The following C12orf54 variants were observed in gnomAD, a reference collection of about 807,000 sequenced individuals.
C12orf54 encodes chromosome 12 open reading frame 54, also known as uncharacterized protein C12orf54.
Under a neutral mutation model 26.4 loss-of-function variants are expected in C12orf54, and 24 were observed. That is an observed-to-expected ratio of 0.91 (90% CI 0.66 to 1.28). The LOEUF (loss-of-function observed/expected upper bound fraction) is 1.28. C12orf54 is among the 50% of genes most tolerant of loss of function. C12orf54 has a pLI of 0.00. For missense variants in C12orf54, 154 were observed against 150.9 expected, an observed-to-expected ratio of 1.02 and a Z score of -0.11; for synonymous variants, 54 against 47.0, an observed-to-expected ratio of 1.15 and a Z score of -0.61.
At chr12:48,489,237 G>T (rs2731096) in intron 5 of C12orf54, 111,589 of 607,240 alleles carry the variant, frequency 0.18, 11,587 homozygotes, top group South Asian at 0.3. Flanking sequence ...TGTATGAAAT[G>T]CTGATAATGA....
chr12:48,469,095 G>A, the C12orf54 span, among the ~76,000 whole-genome samples: 3 of 152,178 alleles, frequency 2.0e-5, no homozygotes, highest in Non-Finnish European at 4.4e-5. Flanking sequence ...AATTACTAAT[G>A]AGGTTTCATG....
the C12orf54 span, among the ~76,000 whole-genome samples, chr12:48,467,041 T>C: frequency 6.6e-6 from 1 of 152,202 alleles, no homozygotes; most frequent in Admixed American, 6.5e-5. Flanking sequence ...AATGTGACTT[T>C]ATTTGGGAAA....
the C12orf54 span, among the ~76,000 whole-genome samples, chr12:48,426,975 T>C: frequency 2.0e-3 from 299 of 152,314 alleles, no homozygotes; most frequent in Non-Finnish European, 3.8e-3. Flanking sequence ...GAAGGAGCTT[T>C]TGAGCCATGC....
intron 4 of C12orf54, among the ~76,000 whole-genome samples, chr12:48,487,551 T>C (rs1176537518): frequency 4.6e-5 from 7 of 152,212 alleles, no homozygotes; most frequent in African/African-American, 1.4e-4. Context: ...TTACAATTAT[T>C]ATATTAGCTA....
the C12orf54 span, among the ~76,000 whole-genome samples, chr12:48,415,707 G>A: frequency 1.1e-4 from 17 of 151,998 alleles, no homozygotes; most frequent in Non-Finnish European, 2.4e-4. Context: ...TTCCTTAGAT[G>A]TTCTATGCCA....
At chr12:48,494,731 C>T in intron 7 of C12orf54, 67 bp from the exon 8 acceptor site, 1 of 1,527,238 alleles carries the variant, frequency 6.5e-7, no homozygotes, top group Non-Finnish European at 9.0e-7. Context: ...CAGTGGAGGC[C>T]AGGAAGGGAA....
chr12:48,479,377 G>A (rs1010860274), upstream of C12orf54, among the ~76,000 whole-genome samples: 2 of 152,188 alleles, frequency 1.3e-5, no homozygotes, highest in East Asian at 1.9e-4. Context: ...TGGCGGGAGT[G>A]GGGAGGGATA....
the C12orf54 span, among the ~76,000 whole-genome samples, chr12:48,446,242 A>G: frequency 6.6e-6 from 1 of 152,224 alleles, no homozygotes; most frequent in Non-Finnish European, 1.5e-5. Flanking sequence ...AGAGAAATAC[A>G]TAAGCTCATT....
the C12orf54 span, among the ~76,000 whole-genome samples, chr12:48,415,423 T>A: frequency 6.6e-6 from 1 of 152,206 alleles, no homozygotes; most frequent in Non-Finnish European, 1.5e-5. Flanking sequence ...GCCAACTACT[T>A]TTAAATCCAA....
chr12:48,475,398 T>A, the C12orf54 span, among the ~76,000 whole-genome samples: 1 of 152,138 alleles, frequency 6.6e-6, no homozygotes, highest in African/African-American at 2.4e-5. Context: ...GGATGGAGAA[T>A]GACTTTGACG....
chr12:48,447,132 G>C, the C12orf54 span, among the ~76,000 whole-genome samples: 2 of 152,026 alleles, frequency 1.3e-5, no homozygotes, highest in African/African-American at 4.8e-5. Context: ...ACTGTCTTCT[G>C]TCTTCTTGCT....
chr12:48,474,623 C>G, the C12orf54 span, among the ~76,000 whole-genome samples: 2 of 152,240 alleles, frequency 1.3e-5, no homozygotes, highest in Non-Finnish European at 2.9e-5. Flanking sequence ...GGTCCTACGC[C>G]CACAGAGTCT....
chr12:48,486,146 C>G (rs763040985), intron 2 of C12orf54, 32 bp from the exon 3 acceptor site: 49 of 1,591,698 alleles, frequency 3.1e-5, no homozygotes, highest in Non-Finnish European at 4.1e-5. Context: ...TTCTGTGCTC[C>G]TCATCAGGTT....
chr12:48,472,673 G>T, the C12orf54 span: 1 of 1,614,084 alleles, frequency 6.2e-7, no homozygotes, highest in South Asian at 1.1e-5. Context: ...AGATGGAGAT[G>T]GGCAAATGGA....
chr12:48,427,026 C>G, the C12orf54 span, among the ~76,000 whole-genome samples: 2 of 152,148 alleles, frequency 1.3e-5, no homozygotes, highest in East Asian at 3.9e-4. Context: ...CACCTACAAA[C>G]AGCGATAGTT....
the C12orf54 span, among the ~76,000 whole-genome samples, chr12:48,421,911 G>A: frequency 1.8e-4 from 28 of 152,238 alleles, no homozygotes; most frequent in South Asian, 4.1e-4. Context: ...TAGAAAATAA[G>A]TAAATTGTAT....
chr12:48,457,553 C>T, the C12orf54 span, among the ~76,000 whole-genome samples: 3 of 152,086 alleles, frequency 2.0e-5, no homozygotes, highest in East Asian at 1.9e-4. Context: ...AGGCTGGTCT[C>T]GAACTCCTGA....
chr12:48,420,733 T>A, the C12orf54 span, among the ~76,000 whole-genome samples: 1 of 152,342 alleles, frequency 6.6e-6, no homozygotes, highest in South Asian at 2.1e-4. Flanking sequence ...TAATGTCATC[T>A]AGTACTTTTC....
At chr12:48,486,763 G>A (rs747317067) in intron 4 of C12orf54, 37 bp downstream of exon 4, 17 of 1,582,256 alleles carry the variant, frequency 1.1e-5, no homozygotes, top group Admixed American at 5.0e-5. Context: ...AGCATGGCAT[G>A]AGGTGGGAGG....
Sources: allele counts gnomAD v4.1 joint callset (sites outside exome capture counted in the v4.1 genomes callset), GRCh38; gene constraint gnomAD v4.1.1; transcripts MANE v1.5; gene names NCBI Gene and HGNC (gene_info 2026-07-23, HGNC 2026-07-21).